Variants in UBXN7 observed in about 807,000 individuals in gnomAD.
UBXN7 encodes the protein UBX domain-containing protein 7.
UBXN7 carries 9 observed loss-of-function variants against 58.0 expected under a neutral mutation model. The ratio of observed to expected loss-of-function variants is 0.16; its 90% CI spans 0.09 to 0.27. The LOEUF is 0.27. Among genes scored for constraint, UBXN7 ranks in the 10% least tolerant of loss-of-function variants. UBXN7 has a pLI of 1.00. For synonymous variants in UBXN7, 208 were observed against 205.0 expected, an observed-to-expected ratio of 1.01 and a Z score of -0.12; for missense variants, 328 against 599.6, an observed-to-expected ratio of 0.55 and a Z score of 4.73.
At chr3:196,428,690 C>T (rs1225740786) in intron 1 of UBXN7, among the ~76,000 whole-genome samples, 3 of 150,798 alleles carry the variant, frequency 2.0e-5, no homozygotes, top group African/African-American at 7.3e-5. Flanking sequence ...CCCAGGAGTT[C>T]AAGACCAGCC....
At chr3:196,425,274 G>A (rs1730811326) in intron 1 of UBXN7, among the ~76,000 whole-genome samples, 4 of 151,170 alleles carry the variant, frequency 2.6e-5, no homozygotes, top group African/African-American at 7.3e-5. Flanking sequence ...CCACTTCTCC[G>A]CCACTAACTT....
At position 196,407,504 on chromosome 3, in the gene UBXN7, T is replaced by C. The variant is rs1198355416; in HGVS notation, c.74-111A>G. ...GTAAATTAATAGTATTTTTCCCTTT[T>C]AGAATGAATGACTTTCTTGTGAAAT... On this transcript the variant is annotated intron_variant, in intron 1 of 10. Coordinates refer to ENST00000296328, the MANE Select transcript of UBXN7 (RefSeq NM_015562.2). 7 of 1,395,528 alleles carry C rather than the reference T, an allele frequency of 5.0e-6. No homozygotes were observed. In the South Asian group the frequency reaches 6.3e-5, roughly 13 times the overall value. 86.4% of individuals were successfully genotyped at this position (1,395,528 alleles called of 1,614,324 possible).
At position 196,399,325 on chromosome 3, in the gene UBXN7, T is replaced by C. The variant is rs11926608; in HGVS notation, c.289+3627A>G. Among the ~76,000 whole-genome samples, 1,323 of 151,944 alleles carry C rather than the reference T, an allele frequency of 8.7e-3. 16 individuals carry two copies. The highest frequency in any genetic ancestry group is 0.031 in the African/African-American group (1,268 of 41,418). On this transcript the variant is annotated intron_variant, in intron 3 of 10. Coordinates refer to ENST00000296328, the MANE Select transcript of UBXN7 (RefSeq NM_015562.2). ...AATTAATTTATTATTTTTTTTTGAG[T>C]TGGGGTCTCAATACGTTGCCCAGGC... is the stretch of plus-strand genomic sequence containing the variant.
At chr3:196,386,062 T>C (rs1378204290) in intron 5 of UBXN7, among the ~76,000 whole-genome samples, 1 of 152,144 alleles carries the variant, frequency 6.6e-6, no homozygotes, top group Non-Finnish European at 1.5e-5. Context: ...GGATGCTGTT[T>C]ATCTATGACC....
rs1328942911 is a variant in UBXN7, at chr3:196,424,390, T to A, written c.73+7937A>T. ...ATCCTTTCTCTTTTCCTAATTTTTT[T>A]TTTTTTTTTTTTTTTTTTTTAAGAG... On this transcript the variant is annotated intron_variant, in intron 1 of 10. Transcript: ENST00000296328. Among the ~76,000 whole-genome samples, 17 of 139,266 alleles carry A rather than the reference T, an allele frequency of 1.2e-4. 2 individuals carry two copies. In the Middle Eastern group the frequency reaches 0.042, roughly 341 times the overall value. 91.4% of individuals were successfully genotyped at this position (139,266 alleles called of 152,430 possible).
Position 196,371,976 on chromosome 3 carries a change from C to T in UBXN7, c.535G>A (p.Ala179Thr). ...ACATCGCGGTTGAGGCACTGACATG[C>T]AAAGTCTTGAACATTTTGAATGTTT... ...MINIQNVQDF[A>T]CQCLNRDVWS... is the part of the protein sequence containing the mutation. Residue 179 changes from alanine (A) to threonine (T), a missense_variant, in exon 6 of 11, where the codon GCA (alanine) becomes ACA (threonine). Physicochemically the swap from Ala to Thr is moderately conservative, Grantham distance 58. This residue lies in a region of UBXN7 where 126 missense variants were observed against 302.6 expected (regional missense o/e 0.42). Coordinates refer to ENST00000296328, the MANE Select transcript of UBXN7 (RefSeq NM_015562.2). The T allele has an allele frequency of 6.2e-7, 1 of 1,613,890 alleles. No homozygotes were observed. Among genetic ancestry groups the T allele is most frequent in the South Asian group, 1.1e-5 (1 of 91,010 alleles).
At chr3:196,382,135 G>C (rs1729226914) in intron 5 of UBXN7, among the ~76,000 whole-genome samples, 1 of 152,100 alleles carries the variant, frequency 6.6e-6, no homozygotes, top group African/African-American at 2.4e-5. Context: ...AGGAAATACA[G>C]AGAACACCAC....
Position 196,354,834 on chromosome 3 carries a change from C to T in UBXN7, c.*1851G>A, listed in dbSNP as rs1292258048. 6.6e-6 allele frequency: 1 copy of T among 151,456 alleles called. No homozygotes were observed. The highest frequency in any genetic ancestry group is 1.5e-5 in the Non-Finnish European group (1 of 67,922). 9.4% of individuals were successfully genotyped at this position (151,456 alleles called of 1,614,324 possible). A position where few individuals can be genotyped will look rare whatever the true frequency, so the allele number is the denominator to read the frequency against. ...CTTTGACTCAAGGTAGAAATGAAAC[C>T]GTAATTATATAAATATATTTATAAA... is the stretch of plus-strand genomic sequence containing the variant. On this transcript the variant is annotated 3_prime_UTR_variant, in exon 11 of 11. Transcript: ENST00000296328.
At chr3:196,378,290 G>A (rs1729094004) in intron 5 of UBXN7, among the ~76,000 whole-genome samples, 1 of 152,154 alleles carries the variant, frequency 6.6e-6, no homozygotes, top group African/African-American at 2.4e-5. Context: ...ATTTCCTAGT[G>A]TCCCTTGCAA....
At chr3:196,421,601 C>A (rs115090267) in intron 1 of UBXN7, among the ~76,000 whole-genome samples, 4 of 151,558 alleles carry the variant, frequency 2.6e-5, no homozygotes, top group African/African-American at 7.3e-5. Context: ...GAAACCCCCC[C>A]CCAGTCTCTA....
chr3:196,387,504 C>A (rs568433108), intron 5 of UBXN7, among the ~76,000 whole-genome samples: 1 of 152,182 alleles, frequency 6.6e-6, no homozygotes, highest in East Asian at 1.9e-4. Context: ...AACAGGCAAC[C>A]TACAGAATGG....
At chr3:196,388,672 T>C (rs1382063526) in intron 5 of UBXN7, among the ~76,000 whole-genome samples, 6 of 152,304 alleles carry the variant, frequency 3.9e-5, no homozygotes, top group Non-Finnish European at 7.4e-5. Context: ...CTTCTAAGCC[T>C]GTAAAACTGT....
At chr3:196,396,749 C>T (rs1015882495) in intron 3 of UBXN7, among the ~76,000 whole-genome samples, 3 of 151,744 alleles carry the variant, frequency 2.0e-5, no homozygotes, top group Admixed American at 6.6e-5. Flanking sequence ...GGCCACAGAG[C>T]GAGACTCCAT....
At chr3:196,374,119 G>A (rs1393126303) in intron 5 of UBXN7, among the ~76,000 whole-genome samples, 1 of 152,040 alleles carries the variant, frequency 6.6e-6, no homozygotes, top group Non-Finnish European at 1.5e-5. Context: ...GAAAATAAAC[G>A]GAAAAATGAC....
Position 196,368,142 on chromosome 3 carries a change from T to G in UBXN7, c.720A>C (p.Val240=), listed in dbSNP as rs370344828. The G allele has an allele frequency of 2.5e-6, 4 of 1,613,670 alleles. No homozygotes were observed. The highest frequency in any genetic ancestry group is 3.4e-6 in the Non-Finnish European group (4 of 1,179,900). ...ILDPRTGQKL[V]EWHQLDVSSF... is the part of the protein sequence containing the mutation. ...AAGATACATCTAACTGGTGCCATTCTACTAGCTTCTGACCTAAGGATTAAA... is the reference window on the plus strand; with the variant it reads ...AAGATACATCTAACTGGTGCCATTCGACTAGCTTCTGACCTAAGGATTAAA... The change falls in exon 8 of 11, where the codon GTA becomes GTC. Residue 240 remains valine, a synonymous_variant. Transcript: ENST00000296328.
intron 5 of UBXN7, among the ~76,000 whole-genome samples, chr3:196,387,762 A>AG (rs1414229636): frequency 6.6e-6 from 1 of 152,226 alleles, no homozygotes; most frequent in Non-Finnish European, 1.5e-5. Flanking sequence ...CATGCCAGTT[A>AG]GAATGGCAAT....
At position 196,399,672 on chromosome 3, in the gene UBXN7, G is replaced by C. The variant is rs572755800; in HGVS notation, c.289+3280C>G. Among the ~76,000 whole-genome samples, 8 of 152,268 alleles carry C rather than the reference G, an allele frequency of 5.3e-5. No homozygotes were observed. The South Asian group carries it at 1.0e-3, about 20-fold the overall frequency. On this transcript the variant is annotated intron_variant, in intron 3 of 10. Coordinates refer to ENST00000296328, the MANE Select transcript of UBXN7 (RefSeq NM_015562.2). ...CTGGGCTACTCTCCAACTCCTGGTTGCAAGTGATCTGTTCAACTGTGGCCT... is the reference window on the plus strand; with the variant it reads ...CTGGGCTACTCTCCAACTCCTGGTTCCAAGTGATCTGTTCAACTGTGGCCT...
At chr3:196,371,352 T>C (rs1016283427) in intron 6 of UBXN7, among the ~76,000 whole-genome samples, 6 of 152,374 alleles carry the variant, frequency 3.9e-5, no homozygotes, top group African/African-American at 1.2e-4. Context: ...TATATAGATA[T>C]ATTGATTTAA....
chr3:196,369,368 G>C lies in UBXN7; in HGVS notation c.706+53C>G, dbSNP rs1289853710. 6.1e-6 allele frequency: 8 copies of C among 1,308,210 alleles called. No homozygotes were observed. In the Admixed American group the frequency reaches 9.3e-5, roughly 15 times the overall value. The allele number at this position is 1,308,210 out of a possible 1,614,324, so 81.0% of individuals were successfully genotyped here. On this transcript the variant is annotated intron_variant, in intron 7 of 10. Transcript: ENST00000296328. ...CAAATATTAAAGATCAATCATTTAG[G>C]TAACTGAAAGACAAGTAATAGGTTA...
Sources: allele counts gnomAD v4.1 joint callset (sites outside exome capture counted in the v4.1 genomes callset), GRCh38; gene constraint gnomAD v4.1.1; regional missense constraint gnomAD v4.1.1; transcripts MANE v1.5; gene names NCBI Gene and HGNC (gene_info 2026-07-23, HGNC 2026-07-21).